Variants in ABHD12 observed in about 807,000 individuals in gnomAD.
The protein encoded by ABHD12 is abhydrolase domain containing 12, lysophospholipase.
In ABHD12, 43 loss-of-function variants were observed where a neutral mutation model predicts 58.3. That is an observed-to-expected ratio of 0.74 (90% CI 0.58 to 0.95). The LOEUF is 0.95. Among genes scored for constraint, ABHD12 ranks in the 40% least tolerant of loss-of-function variants. The pLI is 0.00. For synonymous variants in ABHD12, 219 were observed against 211.2 expected (o/e 1.04, Z -0.32); for missense variants, 539 against 537.2 (o/e 1.00, Z -0.03).
At chr20:25,328,049 A>T (rs1365199664) in intron 2 of ABHD12, among the ~76,000 whole-genome samples, 1 of 151,962 alleles carries the variant, frequency 6.6e-6, no homozygotes, top group African/African-American at 2.4e-5. Flanking sequence ...AAAAACTCTG[A>T]TCCCTGAATG....
intron 1 of ABHD12, among the ~76,000 whole-genome samples, chr20:25,365,103 C>T (rs1364160543): frequency 6.6e-6 from 1 of 152,188 alleles, no homozygotes; most frequent in Non-Finnish European, 1.5e-5. Context: ...AAGTGTTATC[C>T]TAACTAATTC....
chr20:25,309,023 G>C (rs191305257), intron 7 of ABHD12, among the ~76,000 whole-genome samples: 1 of 152,230 alleles, frequency 6.6e-6, no homozygotes, highest in Non-Finnish European at 1.5e-5. Flanking sequence ...CTGGGGACTG[G>C]GGCCCTGAGA....
At chr20:25,351,662 C>A (rs1212554210) in intron 1 of ABHD12, among the ~76,000 whole-genome samples, 1 of 152,124 alleles carries the variant, frequency 6.6e-6, no homozygotes, top group Admixed American at 6.5e-5. Context: ...CGCCTATAAT[C>A]CCAGCACTTT....
At chr20:25,323,585 G>C (rs1241671150) in intron 2 of ABHD12, among the ~76,000 whole-genome samples, 155 bp from the exon 3 acceptor site, 2 of 152,230 alleles carry the variant, frequency 1.3e-5, no homozygotes, top group African/African-American at 2.4e-5. Flanking sequence ...GAAGCTCTCA[G>C]AAAGCACCAA....
chr20:25,341,275 G>A (rs1479729670), intron 1 of ABHD12, among the ~76,000 whole-genome samples: 1 of 152,228 alleles, frequency 6.6e-6, no homozygotes, highest in Non-Finnish European at 1.5e-5. Flanking sequence ...TGCTGCTGGG[G>A]TTACTGCCCA....
intron 2 of ABHD12, among the ~76,000 whole-genome samples, chr20:25,337,503 C>T (rs1334224304): frequency 6.6e-6 from 1 of 152,240 alleles, no homozygotes; most frequent in African/African-American, 2.4e-5. Flanking sequence ...AATCTGTAGG[C>T]TGTGTGTCTA....
intron 2 of ABHD12, among the ~76,000 whole-genome samples, chr20:25,336,555 G>C (rs929151562): frequency 6.6e-6 from 1 of 152,138 alleles, no homozygotes; most frequent in African/African-American, 2.4e-5. Context: ...TTCTTGTCTG[G>C]GCACAAGAGC....
intron 1 of ABHD12, among the ~76,000 whole-genome samples, chr20:25,376,416 A>C (rs1044864212): frequency 6.6e-6 from 1 of 152,222 alleles, no homozygotes; most frequent in Non-Finnish European, 1.5e-5. Flanking sequence ...AATAAAACAC[A>C]CAAGAGCAGT....
chr20:25,382,456 C>G (rs557457418), intron 1 of ABHD12, among the ~76,000 whole-genome samples: 7 of 152,080 alleles, frequency 4.6e-5, no homozygotes, highest in Non-Finnish European at 8.8e-5. Flanking sequence ...CTTCATCTGT[C>G]AGCTTTTGAG....
At chr20:25,386,225 G>A (rs1056401338) in intron 1 of ABHD12, among the ~76,000 whole-genome samples, 2 of 151,334 alleles carry the variant, frequency 1.3e-5, no homozygotes, top group Admixed American at 1.3e-4. Flanking sequence ...GAAAATTACA[G>A]ACTATTCTCA....
intron 9 of ABHD12, among the ~76,000 whole-genome samples, chr20:25,307,641 G>A (rs556322301): frequency 4.6e-5 from 7 of 152,332 alleles, no homozygotes; most frequent in African/African-American, 1.7e-4. Flanking sequence ...CATACACAGA[G>A]AGGGGGGCAC....
At chr20:25,368,685 CT>C in intron 1 of ABHD12, 1 of 1,369,480 alleles carries the variant, frequency 7.3e-7, no homozygotes, top group Non-Finnish European at 1.0e-6. Context: ...TCTTTGGAAT[CT>C]TGTCTGCAAA....
intron 1 of ABHD12, among the ~76,000 whole-genome samples, chr20:25,380,786 C>A (rs181141025): frequency 4.6e-5 from 7 of 152,256 alleles, no homozygotes; most frequent in Non-Finnish European, 1.0e-4. Flanking sequence ...GTCTAGGTAC[C>A]ACCTGTCACA....
At position 25,300,854 on chromosome 20, in the gene ABHD12, G is replaced by A. The variant is rs769828001; in HGVS notation, c.1188C>T (p.His396=). 3 of 1,614,096 alleles carry A rather than the reference G, an allele frequency of 1.9e-6. No individual in the cohort carries two copies. In the South Asian group the frequency reaches 3.3e-5, roughly 18 times the overall value. Residue 396 remains histidine (H), a synonymous_variant, in exon 13 of 13, where the codon CAC becomes CAT. Coordinates refer to ENST00000339157, the MANE Select transcript of ABHD12 (RefSeq NM_001042472.3). Reference sequence around the variant, plus strand: ...CTTCCCACGGCCAGGCTCAGTGCTGGTGCTCAGGCTCCGACTTCCCCAGGA... The same window carrying A: ...CTTCCCACGGCCAGGCTCAGTGCTGATGCTCAGGCTCCGACTTCCCCAGGA... The part of the protein sequence containing the change: ...REFLGKSEPE[H]QH
intron 4 of ABHD12, 68 bp from the exon 5 acceptor site, chr20:25,317,146 T>C (rs1417591857): frequency 4.4e-6 from 5 of 1,126,966 alleles, no homozygotes; most frequent in Non-Finnish European, 6.7e-6. Flanking sequence ...CAACTTGTCC[T>C]CCATACCCCA....
chr20:25,363,463 C>T (rs1371525273), intron 1 of ABHD12, among the ~76,000 whole-genome samples: 1 of 151,910 alleles, frequency 6.6e-6, no homozygotes, highest in African/African-American at 2.4e-5. Context: ...GTGATCCACT[C>T]GCCTCGGCCT....
intron 1 of ABHD12, among the ~76,000 whole-genome samples, chr20:25,378,331 T>C (rs1183720854): frequency 2.0e-5 from 3 of 152,162 alleles, no homozygotes; most frequent in Admixed American, 6.6e-5. Context: ...TATCTCCTTG[T>C]ATCCCCAGGG....
chr20:25,354,729 A>T (rs1175095196), intron 1 of ABHD12, among the ~76,000 whole-genome samples: 4 of 152,172 alleles, frequency 2.6e-5, no homozygotes, highest in Admixed American at 6.5e-5. Flanking sequence ...TAAAATCCTA[A>T]GATAGAATTG....
intron 1 of ABHD12, among the ~76,000 whole-genome samples, chr20:25,375,464 C>G (rs2089950900): frequency 6.6e-6 from 1 of 152,208 alleles, no homozygotes. Flanking sequence ...CAAGGGGACC[C>G]TCTGCAGACC....
Sources: allele counts gnomAD v4.1 joint callset (sites outside exome capture counted in the v4.1 genomes callset), GRCh38; gene constraint gnomAD v4.1.1; transcripts MANE v1.5; gene names NCBI Gene and HGNC (gene_info 2026-07-23, HGNC 2026-07-21).